The following FSTL4 variants were observed in gnomAD, a reference collection of about 807,000 sequenced individuals.
The protein encoded by FSTL4 is follistatin like 4, also known as follistatin-related protein 4.
FSTL4 carries 28 observed loss-of-function variants against 78.2 expected under a neutral mutation model. The observed-to-expected ratio is 0.36, with a 90% confidence interval of 0.27 to 0.49. The LOEUF is 0.49. Ranked by LOEUF, FSTL4 falls within the 20% of genes least tolerant of loss-of-function variation. The pLI is 0.98. For synonymous variants in FSTL4, 422 were observed against 440.5 expected (o/e 0.96, Z 0.53); for missense variants, 922 against 1,084.9 (o/e 0.85, Z 2.11).
chr5:133,338,951 A>G lies in FSTL4; in HGVS notation c.410-22299T>C, dbSNP rs941999536. 1.3e-5 allele frequency among the ~76,000 whole-genome samples: 2 copies of G among 151,990 alleles called. No individual in the cohort carries two copies. Among genetic ancestry groups the G allele is most frequent in the Non-Finnish European group, 2.9e-5 (2 of 67,992 alleles). On this transcript the variant is annotated intron_variant, in intron 4 of 15. Transcript: ENST00000265342. This position sits in a 1 kb window ranked among gnomAD's most constrained non-coding sequence, Gnocchi z 4.0. ...CCCCCGGATGACCACTATGCCTCCG[A>G]TCATGTCCCCACCAATCCTCCCCCA...
At chr5:133,517,591 T>C (rs1355877366) in intron 3 of FSTL4, among the ~76,000 whole-genome samples, 5 of 129,532 alleles carry the variant, frequency 3.9e-5, no homozygotes, top group African/African-American at 1.2e-4. Context: ...TAGAGTTCTA[T>C]AGAGAAATAG....
At chr5:133,469,065 T>C (rs749516874) in intron 3 of FSTL4, among the ~76,000 whole-genome samples, 1 of 152,190 alleles carries the variant, frequency 6.6e-6, no homozygotes, top group Non-Finnish European at 1.5e-5. Flanking sequence ...AGTCAGTGCA[T>C]CTCAAGCTGA....
chr5:133,613,607 G>A (rs7736191), upstream of FSTL4, among the ~76,000 whole-genome samples: 32,711 of 152,200 alleles, frequency 0.21, 3,655 homozygotes, highest in East Asian at 0.26. Context: ...CAATGCAGCA[G>A]GCACTGTGCT....
chr5:133,357,749 C>A (rs534687422), intron 4 of FSTL4, among the ~76,000 whole-genome samples: 45 of 152,190 alleles, frequency 3.0e-4, no homozygotes, highest in Admixed American at 9.2e-4. Context: ...CTCCCTAGCA[C>A]CCCCCACACC....
At chr5:133,608,342 T>A (rs1469426498) in intron 1 of FSTL4, among the ~76,000 whole-genome samples, 1 of 152,206 alleles carries the variant, frequency 6.6e-6, no homozygotes, top group Non-Finnish European at 1.5e-5. Flanking sequence ...AAGGGAGGTG[T>A]TTCATTGCTT....
chr5:133,613,945 C>G (rs543711381), upstream of FSTL4, among the ~76,000 whole-genome samples: 1 of 152,188 alleles, frequency 6.6e-6, no homozygotes, highest in Non-Finnish European at 1.5e-5. Context: ...ACTTCTGGGG[C>G]TGGCTAGGGG....
intron 4 of FSTL4, among the ~76,000 whole-genome samples, chr5:133,318,381 C>A (rs1435180526): frequency 6.6e-6 from 1 of 152,000 alleles, no homozygotes; most frequent in Non-Finnish European, 1.5e-5. Context: ...TTTTTCTGGG[C>A]CTGGATAAGG....
At chr5:133,590,237 G>C (rs1479653095) in intron 2 of FSTL4, among the ~76,000 whole-genome samples, 1 of 152,070 alleles carries the variant, frequency 6.6e-6, no homozygotes, top group African/African-American at 2.4e-5. Context: ...TTCCAGCCCA[G>C]AGCTCCAGAT....
intron 3 of FSTL4, among the ~76,000 whole-genome samples, chr5:133,530,215 CA>C (rs929951171): frequency 3.3e-5 from 5 of 152,168 alleles, no homozygotes; most frequent in Non-Finnish European, 5.9e-5. Context: ...GAAGAAAAAA[CA>C]GTTCAGGGAA....
At chr5:133,670,752 T>C in the FSTL4 span, among the ~76,000 whole-genome samples, 1 of 152,238 alleles carries the variant, frequency 6.6e-6, no homozygotes, top group Non-Finnish European at 1.5e-5. Context: ...ATCCTGAATG[T>C]TAAGCATTAG....
intron 3 of FSTL4, among the ~76,000 whole-genome samples, chr5:133,514,609 T>C (rs1157972146): frequency 2.6e-5 from 4 of 152,084 alleles, no homozygotes; most frequent in Non-Finnish European, 5.9e-5. Flanking sequence ...TTGTGGGAAA[T>C]GTTCCTAAAG....
In FSTL4 at chr5:133,361,892, G is replaced by T. The variant is rs1755079644; in HGVS notation, c.409+38846C>A. Among the ~76,000 whole-genome samples the T allele has an allele frequency of 6.6e-6, 1 of 152,118 alleles. No individual in the cohort carries two copies. Among genetic ancestry groups the T allele is most frequent in the Non-Finnish European group, 1.5e-5 (1 of 68,016 alleles). Reference sequence around the variant, plus strand: ...ACATTGTCACATGCCCCCATTTTTTGGATATCCCATTGGATATTCACGTAG... The same window carrying T: ...ACATTGTCACATGCCCCCATTTTTTTGATATCCCATTGGATATTCACGTAG... On this transcript the variant is annotated intron_variant, in intron 4 of 15. Transcript: ENST00000265342. This position sits in a 1 kb window ranked among gnomAD's most constrained non-coding sequence, Gnocchi z 4.3.
the FSTL4 span, among the ~76,000 whole-genome samples, chr5:133,739,397 G>A: frequency 7.7e-3 from 1,170 of 152,016 alleles, 12 homozygotes; most frequent in Non-Finnish European, 0.01. Context: ...GCGAGGAACA[G>A]CTACAAAGGA....
At chr5:133,492,885 G>T (rs900938862) in intron 3 of FSTL4, among the ~76,000 whole-genome samples, 1 of 151,448 alleles carries the variant, frequency 6.6e-6, no homozygotes, top group African/African-American at 2.4e-5. Context: ...CTTAATATCT[G>T]TTTTATATTT....
chr5:133,784,101 G>A, the FSTL4 span, among the ~76,000 whole-genome samples: 2 of 152,086 alleles, frequency 1.3e-5, no homozygotes, highest in African/African-American at 2.4e-5. Context: ...GGGAGGATAC[G>A]TACAGGGAAT....
chr5:133,804,165 AG>A, the FSTL4 span, among the ~76,000 whole-genome samples: 16 of 152,332 alleles, frequency 1.1e-4, no homozygotes, highest in Admixed American at 9.8e-4. Context: ...ATGCCTGGAA[AG>A]GTTCCTGTTC....
At chr5:133,355,591 G>A (rs111484467) in intron 4 of FSTL4, among the ~76,000 whole-genome samples, 4 of 152,326 alleles carry the variant, frequency 2.6e-5, no homozygotes, top group African/African-American at 9.6e-5. Flanking sequence ...GGGAGGCGGA[G>A]GTTGTGGTGA....
chr5:133,817,838 A>T, the FSTL4 span, among the ~76,000 whole-genome samples: 1 of 152,232 alleles, frequency 6.6e-6, no homozygotes, highest in Non-Finnish European at 1.5e-5. Flanking sequence ...CACAGTACTA[A>T]GTGCTTTCCA....
intron 3 of FSTL4, among the ~76,000 whole-genome samples, chr5:133,461,136 C>G (rs2112838198): frequency 1.3e-5 from 2 of 152,308 alleles, no homozygotes; most frequent in South Asian, 4.1e-4. Flanking sequence ...GAGCAAAACT[C>G]TCTTGTGAGT....
Sources: allele counts gnomAD v4.1 joint callset (sites outside exome capture counted in the v4.1 genomes callset), GRCh38; gene constraint gnomAD v4.1.1; non-coding constraint Gnocchi (gnomAD v3.1); transcripts MANE v1.5; gene names NCBI Gene and HGNC (gene_info 2026-07-23, HGNC 2026-07-21).